CTIF: variants seen among roughly 807,000 people sequenced by gnomAD.
CTIF encodes the protein CBP80/20-dependent translation initiation factor.
CTIF carries 21 observed loss-of-function variants against 66.0 expected under a neutral mutation model. The ratio of observed to expected loss-of-function variants is 0.32; its 90% CI spans 0.23 to 0.46. The LOEUF (loss-of-function observed/expected upper bound fraction) is 0.46. Ranked by LOEUF, CTIF falls within the 20% of genes least tolerant of loss-of-function variation. The pLI, the probability that CTIF is intolerant of heterozygous loss-of-function variation, is 1.00. For synonymous variants in CTIF, 345 were observed against 326.4 expected (o/e 1.06, Z -0.62); for missense variants, 739 against 812.7 (o/e 0.91, Z 1.10).
intron 6 of CTIF, among the ~76,000 whole-genome samples, chr18:48,685,739 C>T (rs550579548): frequency 3.9e-5 from 6 of 151,904 alleles, no homozygotes; most frequent in East Asian, 1.9e-4. Flanking sequence ...TGGAGTGGTG[C>T]GATCTCAAGT....
chr18:48,632,562 T>A (rs912424621), intron 2 of CTIF, among the ~76,000 whole-genome samples: 2 of 152,130 alleles, frequency 1.3e-5, no homozygotes, highest in Non-Finnish European at 2.9e-5. Context: ...ACTTCCCCCC[T>A]GGGCCAGTTC....
At position 48,859,606 on chromosome 18, in the gene CTIF, T is replaced by G. The variant is rs1599181107; in HGVS notation, c.*47T>G. Reference sequence around the variant, plus strand: ...GGCCCACGGGCAGCTGGGGCCCTGGTGCACAGGGCCAGATGGACAGGCGGG... The same window carrying G: ...GGCCCACGGGCAGCTGGGGCCCTGGGGCACAGGGCCAGATGGACAGGCGGG... On this transcript the variant is annotated 3_prime_UTR_variant, in exon 12 of 12. Transcript: ENST00000256413. The G allele has an allele frequency of 3.2e-6, 5 of 1,548,210 alleles. No individual in the cohort carries two copies. The highest frequency in any genetic ancestry group is 4.5e-6 in the Non-Finnish European group (5 of 1,120,688).
intron 1 of CTIF, among the ~76,000 whole-genome samples, chr18:48,554,391 G>T (rs1409518236): frequency 1.3e-5 from 2 of 152,212 alleles, no homozygotes; most frequent in African/African-American, 2.4e-5. Context: ...TCAGGAACTG[G>T]CTCCAGGCTG....
chr18:48,604,039 G>A (rs989158671), intron 1 of CTIF, among the ~76,000 whole-genome samples: 3 of 150,906 alleles, frequency 2.0e-5, no homozygotes, highest in South Asian at 4.2e-4. Flanking sequence ...GTAGAGATGG[G>A]GTTTCACCAT....
intron 7 of CTIF, among the ~76,000 whole-genome samples, chr18:48,748,095 A>G (rs998243461): frequency 1.3e-5 from 2 of 152,094 alleles, no homozygotes; most frequent in Non-Finnish European, 2.9e-5. Context: ...GCATTTTCTC[A>G]GCTATTCCTA....
intron 10 of CTIF, among the ~76,000 whole-genome samples, chr18:48,856,551 T>C (rs1332071021): frequency 1.3e-5 from 2 of 152,202 alleles, no homozygotes; most frequent in Admixed American, 6.5e-5. Flanking sequence ...ATGTGACATA[T>C]CCTTACAATG....
chr18:48,704,453 A>G (rs1555676918), intron 6 of CTIF, among the ~76,000 whole-genome samples: 1 of 152,004 alleles, frequency 6.6e-6, no homozygotes, highest in Non-Finnish European at 1.5e-5. Context: ...TTTGCCCACC[A>G]CTCCACCTGG....
intron 9 of CTIF, among the ~76,000 whole-genome samples, chr18:48,807,055 G>C (rs2068161648): frequency 6.6e-6 from 1 of 152,148 alleles, no homozygotes; most frequent in African/African-American, 2.4e-5. Context: ...CTGAGGTTAG[G>C]GGCAGAGCTA....
At chr18:48,729,142 C>A (rs939768557) in intron 7 of CTIF, among the ~76,000 whole-genome samples, 2 of 152,174 alleles carry the variant, frequency 1.3e-5, no homozygotes, top group Non-Finnish European at 1.5e-5. Context: ...AGTGAAGACG[C>A]TTCCTGCCTG....
intron 1 of CTIF, among the ~76,000 whole-genome samples, chr18:48,616,810 C>T (rs1351898234): frequency 6.6e-6 from 1 of 152,176 alleles, no homozygotes; most frequent in Non-Finnish European, 1.5e-5. Context: ...ATGCTCTGGC[C>T]TTCTGTGCAT....
intron 1 of CTIF, among the ~76,000 whole-genome samples, chr18:48,579,465 T>A (rs113394947): frequency 2.7e-3 from 417 of 152,320 alleles, no homozygotes; most frequent in African/African-American, 9.4e-3. Flanking sequence ...GTTTTACATG[T>A]AGATACCCAG....
intron 9 of CTIF, among the ~76,000 whole-genome samples, chr18:48,798,245 G>A (rs2067973025): frequency 6.6e-6 from 1 of 152,202 alleles, no homozygotes; most frequent in Admixed American, 6.5e-5. Flanking sequence ...AATAAGTAGT[G>A]TTAAGCATGC....
At chr18:48,679,725 A>G (rs1476817340) in intron 6 of CTIF, among the ~76,000 whole-genome samples, 1 of 152,138 alleles carries the variant, frequency 6.6e-6, no homozygotes, top group East Asian at 1.9e-4. Context: ...AAATCAGACC[A>G]CATCAGCCCA....
chr18:48,859,909 C>T lies in CTIF; in HGVS notation c.*350C>T, dbSNP rs569179770. On this transcript the variant is annotated 3_prime_UTR_variant, in exon 12 of 12. Transcript: ENST00000256413. ...GAGGGATCTCATCGCTGTGACTCCT[C>T]GGAGACCTTGGCAGCCTCGCACGCC... 1.0e-4 allele frequency: 53 copies of T among 509,732 alleles called. No homozygotes were observed. The East Asian group carries it at 1.4e-3, about 13-fold the overall frequency. 31.6% of individuals were successfully genotyped at this position (509,732 alleles called of 1,614,324 possible). A position where few individuals can be genotyped will look rare whatever the true frequency, so the allele number is the denominator to read the frequency against.
intron 9 of CTIF, among the ~76,000 whole-genome samples, chr18:48,792,222 T>A (rs535739265): frequency 4.0e-5 from 6 of 149,096 alleles, no homozygotes; most frequent in Non-Finnish European, 7.4e-5. Flanking sequence ...AGCATCCTGG[T>A]CAAAGAGAAA....
rs558349842 is a variant in CTIF, at chr18:48,636,361, T to C, written c.181-253T>C. ...CTGACTTTGGGATATAGCCAGTCTT[T>C]GTCACTGTGCTGGGCTCAGGTGAAG... On this transcript the variant is annotated intron_variant, in intron 2 of 11. Coordinates refer to ENST00000256413, the MANE Select transcript of CTIF (RefSeq NM_014772.3). 6.6e-5 allele frequency among the ~76,000 whole-genome samples: 10 copies of C among 152,346 alleles called. No individual in the cohort carries two copies. In the South Asian group the frequency reaches 2.1e-3, roughly 32 times the overall value.
At chr18:48,685,942 G>T (rs973845162) in intron 6 of CTIF, among the ~76,000 whole-genome samples, 14 of 152,250 alleles carry the variant, frequency 9.2e-5, no homozygotes, top group African/African-American at 3.4e-4. Context: ...CTCCCAAAGT[G>T]CTAGAATTAC....
At chr18:48,745,237 AT>A (rs1192467951) in intron 7 of CTIF, among the ~76,000 whole-genome samples, 1 of 152,078 alleles carries the variant, frequency 6.6e-6, no homozygotes, top group East Asian at 1.9e-4. Flanking sequence ...TTTCTTCATG[AT>A]TGGACTTGGG....
chr18:48,567,489 A>G (rs2089304220), intron 1 of CTIF: 1 of 152,278 alleles, frequency 6.6e-6, no homozygotes, highest in South Asian at 2.1e-4. Flanking sequence ...CATGGTGCCC[A>G]TGGAAAGATG....
Sources: allele counts gnomAD v4.1 joint callset (sites outside exome capture counted in the v4.1 genomes callset), GRCh38; gene constraint gnomAD v4.1.1; transcripts MANE v1.5; gene names NCBI Gene and HGNC (gene_info 2026-07-23, HGNC 2026-07-21).